The following PEX5L variants were observed in gnomAD, a reference collection of about 807,000 sequenced individuals.
PEX5L encodes the protein peroxisomal biogenesis factor 5 like.
A neutral mutation model predicts 84.0 loss-of-function variants in PEX5L; 30 were observed. The ratio of observed to expected loss-of-function variants is 0.36; its 90% CI spans 0.27 to 0.48. The LOEUF (loss-of-function observed/expected upper bound fraction) is 0.48, where lower values mean the gene tolerates loss of function less well. Ranked by LOEUF, PEX5L falls within the 20% of genes least tolerant of loss-of-function variation. PEX5L has a pLI of 0.99. For synonymous variants in PEX5L, 270 were observed against 283.1 expected (o/e 0.95, Z 0.46); for missense variants, 533 against 754.6 (o/e 0.71, Z 3.44).
chr3:179,860,248 G>A (rs868426213), intron 7 of PEX5L, among the ~76,000 whole-genome samples: 4 of 152,326 alleles, frequency 2.6e-5, no homozygotes, highest in African/African-American at 4.8e-5. Context: ...GCCCACATAC[G>A]CCTAAGGGCT....
chr3:179,887,915 G>A, intron 3 of PEX5L, 131 bp from the exon 4 acceptor site: 2 of 692,812 alleles, frequency 2.9e-6, no homozygotes, highest in Admixed American at 2.6e-5. Flanking sequence ...AATAAATAAT[G>A]GGGTGGGGGC....
intron 1 of PEX5L, among the ~76,000 whole-genome samples, chr3:180,015,620 T>C (rs1419712367): frequency 6.6e-6 from 1 of 151,962 alleles, no homozygotes; most frequent in Non-Finnish European, 1.5e-5. Context: ...CATGGACTTC[T>C]GGGAATTCAC....
chr3:179,839,437 A>G (rs1736204359), intron 8 of PEX5L, among the ~76,000 whole-genome samples: 1 of 152,258 alleles, frequency 6.6e-6, no homozygotes, highest in South Asian at 2.1e-4. Context: ...CTGGATTCCA[A>G]AATAATAAAC....
At position 179,797,867 on chromosome 3, in the gene PEX5L, A is replaced by C. The variant is rs1717664862; in HGVS notation, c.*3961T>G. ...GAATGTTCTAGAAGTATCTCAAGAT[A>C]TAAAACAACAACCACCACTGCTACA... On this transcript the variant is annotated 3_prime_UTR_variant, in exon 15 of 15. Coordinates refer to ENST00000467460, the MANE Select transcript of PEX5L (RefSeq NM_016559.3). 1.3e-5 allele frequency: 2 copies of C among 152,186 alleles called. No homozygotes were observed. The highest frequency in any genetic ancestry group is 4.8e-5 in the African/African-American group (2 of 41,460). 9.4% of individuals were successfully genotyped at this position (152,186 alleles called of 1,614,324 possible). A position where few individuals can be genotyped will look rare whatever the true frequency, so the allele number is the denominator to read the frequency against.
chr3:179,877,515 A>G (rs1752812562), intron 5 of PEX5L, among the ~76,000 whole-genome samples: 1 of 152,122 alleles, frequency 6.6e-6, no homozygotes, highest in Non-Finnish European at 1.5e-5. Flanking sequence ...CTGAAGTGCT[A>G]TGGTGCAGTC....
intron 1 of PEX5L, among the ~76,000 whole-genome samples, chr3:180,016,360 T>C (rs1789948140): frequency 6.6e-6 from 1 of 152,204 alleles, no homozygotes; most frequent in Admixed American, 6.5e-5. Flanking sequence ...TATATCTATC[T>C]CTCTATATAT....
At chr3:179,916,702 T>C (rs537615413) in intron 2 of PEX5L, among the ~76,000 whole-genome samples, 4 of 152,126 alleles carry the variant, frequency 2.6e-5, no homozygotes, top group Non-Finnish European at 4.4e-5. Context: ...CAGCGTCTCG[T>C]TTTGTCACTG....
chr3:179,938,323 C>T (rs1360118674), intron 2 of PEX5L, among the ~76,000 whole-genome samples: 1 of 152,158 alleles, frequency 6.6e-6, no homozygotes, highest in African/African-American at 2.4e-5. Flanking sequence ...GCACCCTGTC[C>T]ATTACTAACT....
At chr3:179,993,965 G>A (rs999860188) in intron 1 of PEX5L, among the ~76,000 whole-genome samples, 4 of 152,124 alleles carry the variant, frequency 2.6e-5, no homozygotes, top group Non-Finnish European at 5.9e-5. Flanking sequence ...TACAGATGCA[G>A]AACCCATGGA....
intron 2 of PEX5L, among the ~76,000 whole-genome samples, chr3:179,946,025 T>G (rs1383323340): frequency 6.6e-6 from 1 of 152,092 alleles, no homozygotes; most frequent in Non-Finnish European, 1.5e-5. Flanking sequence ...AAGTTTTTTT[T>G]TTTTTTGCAT....
At chr3:179,850,521 A>G (rs1026353002) in intron 8 of PEX5L, among the ~76,000 whole-genome samples, 1 of 152,104 alleles carries the variant, frequency 6.6e-6, no homozygotes, top group African/African-American at 2.4e-5. Flanking sequence ...TTGTTTTTGG[A>G]AGTAAAATTT....
intron 1 of PEX5L, among the ~76,000 whole-genome samples, chr3:180,010,261 TTTTTTC>T (rs1334689247): frequency 0.015 from 2,112 of 144,830 alleles, 116 homozygotes; most frequent in African/African-American, 0.053. Context: ...TTTTTTTTTT[TTTTTTC>T]TGTAGAGATG....
chr3:179,801,762 A>G lies in PEX5L; in HGVS notation c.*66T>C, dbSNP rs1325960282. The G allele has an allele frequency of 9.7e-7, 1 of 1,025,670 alleles. No homozygotes were observed. Among genetic ancestry groups the G allele is most frequent in the East Asian group, 2.4e-5 (1 of 42,130 alleles). The allele number at this position is 1,025,670 out of a possible 1,614,324, so 63.5% of individuals were successfully genotyped here. A position where few individuals can be genotyped will look rare whatever the true frequency, so the allele number is the denominator to read the frequency against. ...TTATCCTTTTGAAATTCATAATAAAATAGTTTTTGATTTTTCAGTACAATC... is the reference window on the plus strand; with the variant it reads ...TTATCCTTTTGAAATTCATAATAAAGTAGTTTTTGATTTTTCAGTACAATC... On this transcript the variant is annotated 3_prime_UTR_variant, in exon 15 of 15. Coordinates refer to ENST00000467460, the MANE Select transcript of PEX5L (RefSeq NM_016559.3).
At chr3:179,813,745 C>T (rs1344670275) in intron 10 of PEX5L, among the ~76,000 whole-genome samples, 1 of 148,582 alleles carries the variant, frequency 6.7e-6, no homozygotes, top group Non-Finnish European at 1.5e-5. Flanking sequence ...GGCGCAATCT[C>T]GGCTCACTGC....
chr3:179,875,789 G>T (rs957644849), intron 5 of PEX5L, among the ~76,000 whole-genome samples: 3 of 152,100 alleles, frequency 2.0e-5, no homozygotes, highest in African/African-American at 7.2e-5. Context: ...TTGAATCTGT[G>T]TACATTCTGA....
At chr3:179,879,879 A>T in intron 5 of PEX5L, 50 bp downstream of exon 5, 2 of 1,302,644 alleles carry the variant, frequency 1.5e-6, no homozygotes, top group Non-Finnish European at 2.1e-6. Context: ...TCTTGTATCC[A>T]CATCAGCAGA....
At chr3:179,975,341 T>C (rs140623710) in intron 1 of PEX5L, among the ~76,000 whole-genome samples, 1 of 152,336 alleles carries the variant, frequency 6.6e-6, no homozygotes, top group African/African-American at 2.4e-5. Context: ...CATTGCAGGA[T>C]ATGAATTTCT....
At chr3:180,031,136 GAATC>G (rs1791426540) in intron 1 of PEX5L, among the ~76,000 whole-genome samples, 1 of 152,094 alleles carries the variant, frequency 6.6e-6, no homozygotes, top group Non-Finnish European at 1.5e-5. Flanking sequence ...TAACTAGTAA[GAATC>G]AGTCAGCATG....
chr3:179,824,042 C>G (rs1729462681), intron 8 of PEX5L, among the ~76,000 whole-genome samples: 1 of 151,772 alleles, frequency 6.6e-6, no homozygotes, highest in Non-Finnish European at 1.5e-5. Flanking sequence ...TTATAAGAAC[C>G]AGGGCAATAT....
Sources: gnomAD v4.1 joint callset for allele counts (sites outside exome capture counted in the v4.1 genomes callset) on GRCh38, gnomAD v4.1.1 for gene constraint, MANE v1.5 for transcripts, NCBI Gene and HGNC (gene_info 2026-07-23, HGNC 2026-07-21) for gene names.